DLGAP2: variants seen among roughly 807,000 people sequenced by gnomAD.
DLGAP2 encodes disks large-associated protein 2.
DLGAP2 carries 26 observed loss-of-function variants against 100.3 expected under a neutral mutation model. That is an observed-to-expected ratio of 0.26 (90% CI 0.19 to 0.36). The LOEUF (loss-of-function observed/expected upper bound fraction) is 0.36, where lower values mean the gene tolerates loss of function less well. DLGAP2 is among the 10% of genes least tolerant of loss of function. The probability of loss-of-function intolerance (pLI) is 1.00; values close to 1 mark genes in which losing one functional copy is unlikely to be tolerated. For synonymous variants in DLGAP2, 886 were observed against 630.1 expected, an observed-to-expected ratio of 1.41 and a Z score of -6.08; for missense variants, 1,858 against 1,453.2, an observed-to-expected ratio of 1.28 and a Z score of -4.53.
chr8:1,638,605 G>T (rs1467383030), intron 8 of DLGAP2, among the ~76,000 whole-genome samples: 1 of 152,204 alleles, frequency 6.6e-6, no homozygotes, highest in African/African-American at 2.4e-5. Context: ...ATGAGGCCGG[G>T]CTGTGCCAGG....
chr8:1,107,806 C>T (rs1276275487), intron 2 of DLGAP2, among the ~76,000 whole-genome samples: 1 of 152,174 alleles, frequency 6.6e-6, no homozygotes, highest in East Asian at 1.9e-4. Context: ...TGCTGTGTTT[C>T]CACACCCATG....
In DLGAP2 at chr8:804,561, A is replaced by G. The variant is rs191947319; in HGVS notation, c.18+66736A>G. Among the ~76,000 whole-genome samples the G allele has an allele frequency of 3.2e-3, 487 of 152,328 alleles. 11 individuals carry two copies. The highest frequency in any genetic ancestry group is 4.7e-4 in the Non-Finnish European group (32 of 68,022). On this transcript the variant is annotated intron_variant, in intron 1 of 14. Coordinates refer to ENST00000637795, the MANE Select transcript of DLGAP2 (RefSeq NM_001346810.2). ...GTTTGCTCTGTGTTCTCTAATTCAC[A>G]ATTTGTGCTTATTCGAAGAAATGAA...
At chr8:897,905 C>G (rs977548636) in intron 1 of DLGAP2, among the ~76,000 whole-genome samples, 22 of 152,192 alleles carry the variant, frequency 1.4e-4, no homozygotes, top group African/African-American at 5.3e-4. Context: ...TCCCAAAGCC[C>G]TGCACGTGCA....
intron 3 of DLGAP2, among the ~76,000 whole-genome samples, chr8:1,376,958 T>C (rs146163402): frequency 2.9e-3 from 437 of 152,350 alleles, no homozygotes; most frequent in African/African-American, 1.0e-2. Flanking sequence ...GGAACTGATT[T>C]GTAATCACAC....
chr8:1,642,338 C>G (rs1323737440), intron 8 of DLGAP2, among the ~76,000 whole-genome samples: 1 of 68,042 alleles, frequency 1.5e-5, no homozygotes, highest in Non-Finnish European at 2.6e-5. Context: ...GTGTCACCCT[C>G]GACCCCGCCG....
At chr8:1,498,501 C>G (rs1290063973) in intron 3 of DLGAP2, among the ~76,000 whole-genome samples, 3 of 152,156 alleles carry the variant, frequency 2.0e-5, no homozygotes, top group African/African-American at 7.2e-5. Flanking sequence ...GAAAACCCCT[C>G]TAATGAGACT....
intron 3 of DLGAP2, among the ~76,000 whole-genome samples, chr8:1,280,993 T>TCA: frequency 1.3e-5 from 2 of 152,324 alleles, no homozygotes; most frequent in South Asian, 2.1e-4. Context: ...ATCCTTACGA[T>TCA]AGCTCCACGA....
intron 3 of DLGAP2, among the ~76,000 whole-genome samples, chr8:1,495,759 C>T (rs745772549): frequency 9.2e-5 from 14 of 152,182 alleles, no homozygotes; most frequent in Non-Finnish European, 2.1e-4. Context: ...GGTCTGTGCC[C>T]GGGGCCTTCC....
chr8:1,241,379 G>A (rs1425938356), intron 2 of DLGAP2, among the ~76,000 whole-genome samples: 5 of 151,672 alleles, frequency 3.3e-5, no homozygotes, highest in South Asian at 2.1e-4. Context: ...ACATGGCGCC[G>A]TGTCTAGTTC....
chr8:1,707,153 A>G lies in DLGAP2; in HGVS notation c.*5747A>G, dbSNP rs1478685168. The G allele has an allele frequency of 6.6e-6, 1 of 152,650 alleles. No homozygotes were observed. The highest frequency in any genetic ancestry group is 1.5e-5 in the Non-Finnish European group (1 of 68,048). 9.5% of individuals were successfully genotyped at this position (152,650 alleles called of 1,614,324 possible). On this transcript the variant is annotated 3_prime_UTR_variant, in exon 15 of 15. Transcript: ENST00000637795. ...CTCCCTACTTTCTTAGATTTTATGT[A>G]ACTCTTTTCATTGGTGCTTATTCAG...
intron 2 of DLGAP2, among the ~76,000 whole-genome samples, chr8:1,255,683 CTGTGTGTGTGTCCTCTTCTGCCT>C (rs1799187166): frequency 7.6e-6 from 1 of 132,264 alleles, no homozygotes; most frequent in African/African-American, 3.2e-5. Flanking sequence ...TGCCTGGGAG[CTGTGTGTGTGTCCTCTTCTGCCT>C]GGGAGCTGTG....
chr8:1,632,927 G>A lies in DLGAP2; in HGVS notation c.1691G>A (p.Cys564Tyr). 11 of 1,613,994 alleles carry A rather than the reference G, an allele frequency of 6.8e-6. No homozygotes were observed. The highest frequency in any genetic ancestry group is 2.7e-5 in the African/African-American group (2 of 75,042). Residue 564 changes from cysteine to tyrosine, a missense_variant, in exon 8 of 15, where the codon TGT (cysteine) becomes TAT (tyrosine). By Grantham distance (194) the Cys-to-Tyr change is radical. Transcript: ENST00000637795. Reference sequence around the variant, plus strand: ...ATGGATGCCCTCGACCTCCCGGGATGTTTCCGAACAAGGAGTCACAGCTAC... The same window carrying A: ...ATGGATGCCCTCGACCTCCCGGGATATTTCCGAACAAGGAGTCACAGCTAC... The part of the protein sequence containing the change: ...QAMDALDLPG[C>Y]FRTRSHSYLR...
In DLGAP2 at chr8:1,686,054, G is replaced by C. The variant is rs185086586; in HGVS notation, c.2705-5481G>C. Among the ~76,000 whole-genome samples the C allele has an allele frequency of 2.2e-3, 330 of 152,322 alleles. 5 individuals are homozygous for C. The highest frequency in any genetic ancestry group is 1.2e-3 in the East Asian group (6 of 5,188). Reference sequence around the variant, plus strand: ...AGAAATAGAACCACCATGTGATCCAGTCATTGTCCTGCTGGGCATAGACCC... The same window carrying C: ...AGAAATAGAACCACCATGTGATCCACTCATTGTCCTGCTGGGCATAGACCC... On this transcript the variant is annotated intron_variant, in intron 12 of 14. Transcript: ENST00000637795.
At chr8:870,035 TAAAGTC>T (rs1427604339) in intron 1 of DLGAP2, among the ~76,000 whole-genome samples, 1 of 152,168 alleles carries the variant, frequency 6.6e-6, no homozygotes, top group Non-Finnish European at 1.5e-5. Context: ...ATTTGAGACT[TAAAGTC>T]AAATTCTGGG....
chr8:1,336,510 G>A (rs922692837), intron 3 of DLGAP2, among the ~76,000 whole-genome samples: 10 of 152,176 alleles, frequency 6.6e-5, no homozygotes, highest in South Asian at 2.1e-4. Flanking sequence ...TGAAACACAC[G>A]CAACTCTGTG....
At chr8:1,487,185 T>G (rs55823805) in intron 3 of DLGAP2, among the ~76,000 whole-genome samples, 5,246 of 152,332 alleles carry the variant, frequency 0.034, 282 homozygotes, top group African/African-American at 0.12. Context: ...GCCTTAGGCA[T>G]GATTGGTCCG....
At chr8:1,049,590 C>G (rs948384517) in intron 2 of DLGAP2, among the ~76,000 whole-genome samples, 2 of 151,872 alleles carry the variant, frequency 1.3e-5, no homozygotes, top group African/African-American at 2.4e-5. Flanking sequence ...TCAGTTATTC[C>G]ATATTCCTCC....
chr8:1,200,711 G>C (rs1004221182), intron 2 of DLGAP2, among the ~76,000 whole-genome samples: 2 of 151,560 alleles, frequency 1.3e-5, no homozygotes, highest in Non-Finnish European at 2.9e-5. Context: ...ATCTTATTTA[G>C]AGACACGTTG....
intron 6 of DLGAP2, among the ~76,000 whole-genome samples, chr8:1,599,689 A>T (rs1796565488): frequency 6.6e-6 from 1 of 152,146 alleles, no homozygotes; most frequent in Non-Finnish European, 1.5e-5. Context: ...AGAGACTAGG[A>T]TTGCAACTCC....
Sources: allele counts gnomAD v4.1 joint callset (sites outside exome capture counted in the v4.1 genomes callset), GRCh38; gene constraint gnomAD v4.1.1; transcripts MANE v1.5; gene names NCBI Gene and HGNC (gene_info 2026-07-23, HGNC 2026-07-21).